Variants in ZNF330 observed in about 807,000 individuals in gnomAD.
ZNF330 encodes zinc finger protein 330.
In ZNF330, 31 loss-of-function variants were observed where a neutral mutation model predicts 45.5. That is an observed-to-expected ratio of 0.68 (90% CI 0.51 to 0.92). ZNF330 has a LOEUF of 0.92. Among genes scored for constraint, ZNF330 ranks in the 40% least tolerant of loss-of-function variants. ZNF330 has a pLI of 0.00. For missense variants in ZNF330, 356 were observed against 387.4 expected (o/e 0.92, Z 0.68); for synonymous variants, 138 against 123.2 (o/e 1.12, Z -0.79).
rs936156744 is a variant in ZNF330 at position 141,231,308 on chromosome 4, T to A, written c.524-131T>A. On this transcript the variant is annotated intron_variant, in intron 7 of 9. Coordinates refer to ENST00000262990, the MANE Select transcript of ZNF330 (RefSeq NM_014487.6). The stretch of plus-strand genomic sequence containing the variant: ...TGGGAGCTTTGTGTGTTTTATAGCA[T>A]TTGAACCCAAAAGACAGGCAGCTGT... 8.3e-6 allele frequency: 5 copies of A among 599,496 alleles called. No homozygotes were observed. The African/African-American group carries it at 9.6e-5, about 11-fold the overall frequency. 37.1% of individuals were successfully genotyped at this position (599,496 alleles called of 1,614,324 possible).
chr4:141,225,747 G>A (rs989328132), intron 4 of ZNF330, among the ~76,000 whole-genome samples: 1 of 152,062 alleles, frequency 6.6e-6, no homozygotes, highest in African/African-American at 2.4e-5. Flanking sequence ...AGTTTTCATA[G>A]CCTTGTTTTG....
At chr4:141,225,737 A>G (rs1431509007) in intron 4 of ZNF330, among the ~76,000 whole-genome samples, 1 of 152,134 alleles carries the variant, frequency 6.6e-6, no homozygotes, top group Non-Finnish European at 1.5e-5. Context: ...CTCATATGGT[A>G]GTTTTCATAG....
intron 4 of ZNF330, among the ~76,000 whole-genome samples, chr4:141,225,584 G>A (rs1728784132): frequency 6.6e-6 from 1 of 151,888 alleles, no homozygotes; most frequent in South Asian, 2.1e-4. Flanking sequence ...TCATTTAAGT[G>A]TGTTTATATG....
intron 8 of ZNF330, among the ~76,000 whole-genome samples, chr4:141,232,156 C>T (rs1728975971): frequency 6.6e-6 from 1 of 152,080 alleles, no homozygotes; most frequent in South Asian, 2.1e-4. Flanking sequence ...CCGTTCAGTG[C>T]TTAGTGTCTT....
intron 9 of ZNF330, among the ~76,000 whole-genome samples, chr4:141,233,345 C>G (rs1231424537): frequency 6.6e-6 from 1 of 152,056 alleles, no homozygotes; most frequent in African/African-American, 2.4e-5. Context: ...TTTTTAAGGG[C>G]ATCTGCATTG....
At position 141,232,511 on chromosome 4, in the gene ZNF330, C is replaced by T; in HGVS notation, c.571-14C>T. On this transcript the variant is annotated splice_polypyrimidine_tract_variant and intron_variant, in intron 8 of 9. Coordinates refer to ENST00000262990, the MANE Select transcript of ZNF330 (RefSeq NM_014487.6). ...ATTTTTATTTATTTACTTTATTTTG[C>T]TTCTCCTATACAGGCTTGTTTCTGT... 1 of 1,416,108 alleles carries T rather than the reference C, an allele frequency of 7.1e-7. No homozygotes were observed. The highest frequency in any genetic ancestry group is 9.5e-7 in the Non-Finnish European group (1 of 1,054,346). 87.7% of individuals were successfully genotyped at this position (1,416,108 alleles called of 1,614,324 possible). A position where few individuals can be genotyped will look rare whatever the true frequency, so the allele number is the denominator to read the frequency against.
chr4:141,224,702 T>A, intron 4 of ZNF330, 25 bp downstream of exon 4: 1 of 1,596,400 alleles, frequency 6.3e-7, no homozygotes. Context: ...ATTAAGGACA[T>A]ATGCTTTTTA....
At chr4:141,225,516 A>G (rs751798501) in intron 4 of ZNF330, among the ~76,000 whole-genome samples, 3 of 141,570 alleles carry the variant, frequency 2.1e-5, no homozygotes, top group Non-Finnish European at 3.1e-5. Flanking sequence ...ATGAACAAGT[A>G]TTGCTTTTAT....
intron 1 of ZNF330, among the ~76,000 whole-genome samples, chr4:141,221,595 G>A (rs1269096005): frequency 6.6e-6 from 1 of 151,872 alleles, no homozygotes; most frequent in Non-Finnish European, 1.5e-5. Context: ...ATTAAATCTG[G>A]CTATTTTTCA....
In ZNF330 at chr4:141,221,565, C is replaced by T. The variant is rs148317497; in HGVS notation, c.-7+457C>T. Among the ~76,000 whole-genome samples the T allele has an allele frequency of 3.2e-4, 48 of 152,142 alleles. No individual in the cohort carries two copies. In the East Asian group the frequency reaches 8.3e-3, roughly 26 times the overall value. On this transcript the variant is annotated intron_variant, in intron 1 of 9. Coordinates refer to ENST00000262990, the MANE Select transcript of ZNF330 (RefSeq NM_014487.6). ...TGGTGCCTTAGTGGTCTGGGCGTTA[C>T]GTTACCGAAATAACCACCTATTAAA...
In ZNF330 at chr4:141,231,470, A is replaced by C. The variant is rs1025319761; in HGVS notation, c.555A>C (p.Ser185=). 27 of 1,604,486 alleles carry C rather than the reference A, an allele frequency of 1.7e-5. No homozygotes were observed. The highest frequency in any genetic ancestry group is 2.3e-5 in the Non-Finnish European group (27 of 1,176,058). ...CATGCAATCGGCTTGGTCAGCACTC[A>C]TGTCTCCGTTGTAAGGTATACCAAT... ...CVSCNRLGQH[S]CLRCKACFCD... is the part of the protein sequence containing the mutation. The change falls in exon 8 of 10, where the codon TCA becomes TCC. Residue 185 remains serine, a synonymous_variant. Transcript: ENST00000262990.
chr4:141,231,123 CAT>C (rs1173805102), intron 7 of ZNF330, among the ~76,000 whole-genome samples: 3 of 152,034 alleles, frequency 2.0e-5, no homozygotes, highest in African/African-American at 4.8e-5. Flanking sequence ...ACTACACACA[CAT>C]AGACACACAA....
At chr4:141,226,965 A>T (rs1359697354) in intron 5 of ZNF330, 119 bp downstream of exon 5, 3 of 741,998 alleles carry the variant, frequency 4.0e-6, no homozygotes, top group Non-Finnish European at 4.3e-6. Context: ...ATCAATCTGT[A>T]GTTATCTGGA....
chr4:141,231,390 A>T (rs1375178916), intron 7 of ZNF330, 49 bp from the exon 8 acceptor site: 1 of 1,546,146 alleles, frequency 6.5e-7, no homozygotes, highest in African/African-American at 1.4e-5. Flanking sequence ...ACAAAAGAAA[A>T]TTCTAAGAAC....
intron 2 of ZNF330, 121 bp downstream of exon 2, chr4:141,222,612 T>C (rs1367249134): frequency 3.7e-6 from 4 of 1,068,310 alleles, no homozygotes; most frequent in Non-Finnish European, 5.3e-6. Flanking sequence ...TTGCTGAATT[T>C]AGTATCTCTG....
At position 141,232,620 on chromosome 4, in the gene ZNF330, G is replaced by C. The variant is rs779740956; in HGVS notation, c.666G>C (p.Glu222Asp). 4 of 1,583,360 alleles carry C rather than the reference G, an allele frequency of 2.5e-6. No individual in the cohort carries two copies. The highest frequency in any genetic ancestry group is 1.2e-5 in the South Asian group (1 of 84,492). Residue 222 changes from glutamate (E) to aspartate (D), a missense_variant, in exon 9 of 10, where the codon GAG becomes GAC. Glu to Asp is a conservative substitution (Grantham distance 45). Transcript: ENST00000262990. ...PCPKCGHETQETKDLSMSTRS... is the reference protein window; with the variant it reads ...PCPKCGHETQDTKDLSMSTRS... ...CTAAATGTGGGCATGAAACTCAGGA[G>C]ACTAAGGACCTTAGCATGTCAAGTA...
intron 5 of ZNF330, among the ~76,000 whole-genome samples, 155 bp downstream of exon 5, chr4:141,227,001 A>AT (rs2111251797): frequency 6.6e-6 from 1 of 151,400 alleles, no homozygotes; most frequent in Admixed American, 6.6e-5. Context: ...TTTTTGTATG[A>AT]TTTTCCCTTA....
chr4:141,234,209 C>A lies in ZNF330; in HGVS notation c.*220C>A. ...TTTCAAATTTAAGATGTTTATTGAT[C>A]GAAGCAATTGAAGTATCATGGATTG... On this transcript the variant is annotated 3_prime_UTR_variant, in exon 10 of 10. Transcript: ENST00000262990. The A allele has an allele frequency of 1.2e-6, 1 of 821,248 alleles. No individual in the cohort carries two copies. The highest frequency in any genetic ancestry group is 1.7e-6 in the Non-Finnish European group (1 of 600,352). 50.9% of individuals were successfully genotyped at this position (821,248 alleles called of 1,614,324 possible).
chr4:141,231,469 CAT>C lies in ZNF330; in HGVS notation c.555_556del (p.Cys186SerfsTer4). On this transcript the variant is annotated frameshift_variant, in exon 8 of 10. Coordinates refer to ENST00000262990, the MANE Select transcript of ZNF330 (RefSeq NM_014487.6). LOFTEE classifies it high-confidence loss of function. ...TCATGCAATCGGCTTGGTCAGCACTCATGTCTCCGTTGTAAGGTATACCAATG... is the reference window on the plus strand; with the variant it reads ...TCATGCAATCGGCTTGGTCAGCACTCGTCTCCGTTGTAAGGTATACCAATG... 1 of 1,604,390 alleles carries C rather than the reference CAT, an allele frequency of 6.2e-7. No homozygotes were observed. Among genetic ancestry groups the C allele is most frequent in the Non-Finnish European group, 8.5e-7 (1 of 1,175,992 alleles).
Sources: gnomAD v4.1 joint callset for allele counts (sites outside exome capture counted in the v4.1 genomes callset) on GRCh38, gnomAD v4.1.1 for gene constraint, MANE v1.5 for transcripts, NCBI Gene and HGNC (gene_info 2026-07-23, HGNC 2026-07-21) for gene names.